The following PLXNA4 variants were observed in gnomAD, a reference collection of about 807,000 sequenced individuals.
PLXNA4 encodes the protein plexin-A4.
PLXNA4 carries 44 observed loss-of-function variants against 191.8 expected under a neutral mutation model. The observed-to-expected ratio is 0.23, with a 90% CI of 0.18 to 0.29. The LOEUF is 0.29. Ranked by LOEUF, PLXNA4 falls within the 10% of genes least tolerant of loss-of-function variation. The pLI is 1.00. For missense variants in PLXNA4, 1,800 were observed against 2,488.8 expected (o/e 0.72, Z 5.89); for synonymous variants, 1,082 against 1,009.5 (o/e 1.07, Z -1.36).
chr7:132,188,959 G>GAAAGGAAAGA (rs1313123837), intron 14 of PLXNA4, among the ~76,000 whole-genome samples: 1 of 46,382 alleles, frequency 2.2e-5, no homozygotes. Context: ...GAGAGGAAAG[G>GAAAGGAAAGA]AAAGGAAAGG....
chr7:132,226,905 G>T (rs1798343363), intron 7 of PLXNA4, among the ~76,000 whole-genome samples: 1 of 152,226 alleles, frequency 6.6e-6, no homozygotes. Context: ...AAATGGGAGG[G>T]ACAACATGGA....
chr7:132,138,616 G>A (rs1403787247), intron 30 of PLXNA4, among the ~76,000 whole-genome samples: 1 of 152,154 alleles, frequency 6.6e-6, no homozygotes. Context: ...AAAAGATTTG[G>A]GGCTTCAAGT....
intron 2 of PLXNA4, among the ~76,000 whole-genome samples, chr7:132,507,261 A>G (rs156959): frequency 0.41 from 62,479 of 152,030 alleles, 13,121 homozygotes; most frequent in African/African-American, 0.48. Flanking sequence ...AGCCAATATG[A>G]GGCAGAGAAA....
At chr7:132,498,283 A>T (rs1206609097) in intron 2 of PLXNA4, among the ~76,000 whole-genome samples, 2 of 152,184 alleles carry the variant, frequency 1.3e-5, no homozygotes, top group South Asian at 4.1e-4. Flanking sequence ...ATATTAGTCC[A>T]TTTGCTGATA....
At chr7:132,370,818 G>A (rs1161153178) in intron 3 of PLXNA4, among the ~76,000 whole-genome samples, 4 of 152,194 alleles carry the variant, frequency 2.6e-5, no homozygotes, top group East Asian at 1.9e-4. Context: ...GCCATCCTCT[G>A]CTGTTAGGCA....
chr7:132,484,176 G>A (rs1797449630), intron 3 of PLXNA4, among the ~76,000 whole-genome samples: 1 of 152,190 alleles, frequency 6.6e-6, no homozygotes, highest in Non-Finnish European at 1.5e-5. Flanking sequence ...AGTAAAACTT[G>A]GGAAGAAAGC....
intron 2 of PLXNA4, among the ~76,000 whole-genome samples, chr7:132,623,332 G>A (rs1803307863): frequency 1.4e-5 from 2 of 144,806 alleles, no homozygotes; most frequent in Admixed American, 7.3e-5. Flanking sequence ...GGTGACAAGA[G>A]CAAAATTCCA....
intron 2 of PLXNA4, among the ~76,000 whole-genome samples, chr7:132,614,540 G>A (rs1318019243): frequency 6.6e-6 from 1 of 152,242 alleles, no homozygotes; most frequent in Non-Finnish European, 1.5e-5. Context: ...GGCACTGAAG[G>A]CTCAGGGAGC....
chr7:132,581,577 C>A (rs1378418782), upstream of PLXNA4, among the ~76,000 whole-genome samples: 1 of 152,230 alleles, frequency 6.6e-6, no homozygotes, highest in Non-Finnish European at 1.5e-5. Flanking sequence ...GATGGAAGGA[C>A]ATCTCTGCAT....
Position 132,296,508 on chromosome 7 carries a change from G to A in PLXNA4, c.1503+1583C>T, listed in dbSNP as rs574012633. On this transcript the variant is annotated intron_variant, in intron 4 of 31. Transcript: ENST00000321063. ...GCTGGCCTTGAACTCCTGGCCTTTC[G>A]GTAATCCTCCTGCCTTGGCCTCCCG... Among the ~76,000 whole-genome samples, 8 of 150,918 alleles carry A rather than the reference G, an allele frequency of 5.3e-5. No homozygotes were observed. In the East Asian group the frequency reaches 5.9e-4, roughly 11 times the overall value.
At chr7:132,563,173 TCCTCCTTCTC>T (rs1801404535) in intron 1 of PLXNA4, among the ~76,000 whole-genome samples, 1 of 56,116 alleles carries the variant, frequency 1.8e-5, no homozygotes, top group African/African-American at 5.5e-5. Context: ...CTCCTTCTCC[TCCTCCTTCTC>T]CTTCCTCCTC....
At chr7:132,307,186 C>T (rs1305556023) in intron 3 of PLXNA4, among the ~76,000 whole-genome samples, 2 of 152,126 alleles carry the variant, frequency 1.3e-5, no homozygotes, top group Non-Finnish European at 2.9e-5. Flanking sequence ...GAGAATAAGA[C>T]TGCACTCATA....
chr7:132,388,296 T>C (rs1805244330), intron 3 of PLXNA4, among the ~76,000 whole-genome samples: 1 of 152,090 alleles, frequency 6.6e-6, no homozygotes, highest in African/African-American at 2.4e-5. Flanking sequence ...TCTCCCCTTC[T>C]GCCCCAAATC....
intron 3 of PLXNA4, among the ~76,000 whole-genome samples, chr7:132,429,855 C>T (rs563530210): frequency 6.6e-6 from 1 of 152,174 alleles, no homozygotes; most frequent in African/African-American, 2.4e-5. Flanking sequence ...CAGGCTATTA[C>T]CAACTATGCA....
intron 1 of PLXNA4, among the ~76,000 whole-genome samples, chr7:132,517,862 C>A (rs146975528): frequency 6.6e-6 from 1 of 152,320 alleles, no homozygotes; most frequent in Non-Finnish European, 1.5e-5. Context: ...TCCATTTCAT[C>A]TAAGAAACTT....
At chr7:132,437,086 A>C (rs140578485) in intron 3 of PLXNA4, among the ~76,000 whole-genome samples, 1 of 152,342 alleles carries the variant, frequency 6.6e-6, no homozygotes, top group South Asian at 2.1e-4. Context: ...GGGAAGGAGC[A>C]TGCCCAGGGA....
chr7:132,276,975 T>C (rs1776206130), intron 4 of PLXNA4, among the ~76,000 whole-genome samples: 1 of 152,186 alleles, frequency 6.6e-6, no homozygotes, highest in Non-Finnish European at 1.5e-5. Context: ...AACAGCCATA[T>C]AAATACTCCT....
In PLXNA4 at chr7:132,647,160, TATACATTCACAAACCCACAGTC is replaced by T. The variant is rs1296621803; in HGVS notation, c.-202-1139_-202-1118del. 2.0e-5 allele frequency among the ~76,000 whole-genome samples: 3 copies of T among 148,436 alleles called. No individual in the cohort carries two copies. The East Asian group carries it at 6.1e-4, about 30-fold the overall frequency. ...TTACACACATGCAGTCACACATATA[TATACATTCACAAACCCACAGTC>T]ATACATTCACAAACACCCACATGCT... On this transcript the variant is annotated intron_variant, in intron 1 of 4. Transcript: ENST00000378539.
At chr7:132,176,400 G>C (rs770490397) in intron 20 of PLXNA4, among the ~76,000 whole-genome samples, 1 of 152,228 alleles carries the variant, frequency 6.6e-6, no homozygotes, top group African/African-American at 2.4e-5. Flanking sequence ...AAGCCCTGGG[G>C]AACATTCATG....
Sources: gnomAD v4.1 joint callset for allele counts (sites outside exome capture counted in the v4.1 genomes callset) on GRCh38, gnomAD v4.1.1 for gene constraint, MANE v1.5 for transcripts, NCBI Gene and HGNC (gene_info 2026-07-23, HGNC 2026-07-21) for gene names.